ST8SIA5: variants seen among roughly 807,000 people sequenced by gnomAD.
The protein encoded by ST8SIA5 is ST8 alpha-N-acetyl-neuraminide alpha-2,8-sialyltransferase 5.
A neutral mutation model predicts 40.2 loss-of-function variants in ST8SIA5; 24 were observed. The ratio of observed to expected loss-of-function variants is 0.60; its 90% confidence interval spans 0.43 to 0.84. The LOEUF is 0.84. Ranked by LOEUF, ST8SIA5 falls within the 40% of genes least tolerant of loss-of-function variation. ST8SIA5 has a pLI of 0.00. For missense variants in ST8SIA5, 465 were observed against 498.5 expected, an observed-to-expected ratio of 0.93 and a Z score of 0.64; for synonymous variants, 198 against 201.8, an observed-to-expected ratio of 0.98 and a Z score of 0.16.
chr18:46,724,201 G>A (rs1017289809), intron 1 of ST8SIA5, among the ~76,000 whole-genome samples: 2 of 152,238 alleles, frequency 1.3e-5, no homozygotes, highest in Admixed American at 1.3e-4. Flanking sequence ...TCCCTCTTCA[G>A]AAGTCTAGCT....
intron 1 of ST8SIA5, among the ~76,000 whole-genome samples, chr18:46,712,297 C>A (rs1020707216): frequency 7.9e-5 from 12 of 152,174 alleles, no homozygotes; most frequent in African/African-American, 2.9e-4. Context: ...ACCATGCCCA[C>A]AGGCACCCTA....
At chr18:46,682,106 A>G in intron 5 of ST8SIA5, 42 bp from the exon 6 acceptor site, 5 of 1,525,918 alleles carry the variant, frequency 3.3e-6, no homozygotes, top group Non-Finnish European at 4.4e-6. Context: ...TGGTCATTCA[A>G]TAGGTCAGGC....
intron 1 of ST8SIA5, among the ~76,000 whole-genome samples, chr18:46,727,897 G>A (rs1568272487): frequency 1.3e-5 from 2 of 152,046 alleles, no homozygotes; most frequent in South Asian, 2.1e-4. Context: ...GTTTAATGAC[G>A]AAGTCTATAT....
chr18:46,730,959 T>C (rs1053894727), intron 1 of ST8SIA5, among the ~76,000 whole-genome samples: 1 of 152,176 alleles, frequency 6.6e-6, no homozygotes, highest in Non-Finnish European at 1.5e-5. Context: ...ACAGCCTGGA[T>C]GACAGAGCAA....
intron 1 of ST8SIA5, among the ~76,000 whole-genome samples, chr18:46,752,408 A>G (rs1273416440): frequency 6.6e-6 from 1 of 152,160 alleles, no homozygotes; most frequent in Non-Finnish European, 1.5e-5. Context: ...TATTTGTTCA[A>G]TCAATCAAAA....
intron 1 of ST8SIA5, among the ~76,000 whole-genome samples, chr18:46,736,003 C>G (rs1005244729): frequency 6.6e-6 from 1 of 151,770 alleles, no homozygotes; most frequent in South Asian, 2.1e-4. Context: ...GTTACAGCTG[C>G]GTATGAATCT....
intron 1 of ST8SIA5, among the ~76,000 whole-genome samples, chr18:46,725,288 A>T (rs571228111): frequency 6.6e-6 from 1 of 152,306 alleles, no homozygotes; most frequent in East Asian, 1.9e-4. Context: ...GTTCACAAAC[A>T]TATCAAATCA....
At chr18:46,751,550 C>A (rs987064289) in intron 1 of ST8SIA5, among the ~76,000 whole-genome samples, 2 of 151,952 alleles carry the variant, frequency 1.3e-5, no homozygotes, top group African/African-American at 4.8e-5. Flanking sequence ...GTGTGTGCCA[C>A]CACACCTGGC....
At chr18:46,729,685 C>T (rs558142792) in intron 1 of ST8SIA5, among the ~76,000 whole-genome samples, 1 of 152,308 alleles carries the variant, frequency 6.6e-6, no homozygotes, top group South Asian at 2.1e-4. Flanking sequence ...GGGGCTGTCC[C>T]CTGTCCCTAA....
At chr18:46,734,763 C>T (rs2040018144) in intron 1 of ST8SIA5, among the ~76,000 whole-genome samples, 1 of 152,232 alleles carries the variant, frequency 6.6e-6, no homozygotes, top group Non-Finnish European at 1.5e-5. Context: ...GCACTATCCA[C>T]TTGGCACTTA....
At chr18:46,753,629 C>G (rs1287269745) in intron 1 of ST8SIA5, among the ~76,000 whole-genome samples, 3 of 151,990 alleles carry the variant, frequency 2.0e-5, no homozygotes, top group Non-Finnish European at 4.4e-5. Context: ...CTGCATGGAG[C>G]TTTCGGTCTA....
intron 1 of ST8SIA5, among the ~76,000 whole-genome samples, chr18:46,750,738 C>T (rs1459831439): frequency 1.3e-5 from 2 of 152,178 alleles, no homozygotes; most frequent in Admixed American, 6.5e-5. Context: ...TCTCCAGCCT[C>T]GGCTTCCAGA....
rs756325375 is a variant in ST8SIA5, at chr18:46,680,288, G to A, written c.885C>T (p.Arg295=). Residue 295 remains arginine, a synonymous_variant, in exon 7 of 7, where the codon CGC becomes CGT. Transcript: ENST00000315087. ...VSRYWLSLGV[R]AKRISTGLIL... Reference sequence around the variant, plus strand: ...TGAGGCCGGTGCTGATGCGCTTGGCGCGCACCCCCAGGCTGAGCCAGTAGC... The same window carrying A: ...TGAGGCCGGTGCTGATGCGCTTGGCACGCACCCCCAGGCTGAGCCAGTAGC... 38 of 1,614,098 alleles carry A rather than the reference G, an allele frequency of 2.4e-5. No individual in the cohort carries two copies. In the East Asian group the frequency reaches 2.5e-4, roughly 10 times the overall value.
intron 1 of ST8SIA5, among the ~76,000 whole-genome samples, chr18:46,718,545 A>G (rs372932416): frequency 1.1e-4 from 17 of 152,160 alleles, no homozygotes; most frequent in African/African-American, 4.1e-4. Context: ...TATGAGCACT[A>G]TCTGGCTTGA....
chr18:46,749,841 G>A (rs2040179547), intron 1 of ST8SIA5, among the ~76,000 whole-genome samples: 1 of 152,156 alleles, frequency 6.6e-6, no homozygotes, highest in Non-Finnish European at 1.5e-5. Flanking sequence ...GGCTTGGGGG[G>A]ATGATTAGGT....
intron 1 of ST8SIA5, among the ~76,000 whole-genome samples, chr18:46,719,455 G>A (rs1453719750): frequency 6.6e-6 from 1 of 152,170 alleles, no homozygotes; most frequent in Non-Finnish European, 1.5e-5. Flanking sequence ...GAAAGGCAGA[G>A]GAGAACACAG....
intron 1 of ST8SIA5, among the ~76,000 whole-genome samples, chr18:46,725,221 C>T (rs1363412744): frequency 6.6e-6 from 1 of 152,156 alleles, no homozygotes; most frequent in Admixed American, 6.5e-5. Flanking sequence ...CTTTACCAAA[C>T]AGCCTAGAGG....
chr18:46,722,565 C>A (rs985903113), intron 1 of ST8SIA5, among the ~76,000 whole-genome samples: 1 of 152,176 alleles, frequency 6.6e-6, no homozygotes, highest in African/African-American at 2.4e-5. Context: ...AGGGTTGGTG[C>A]CCGCTTAATT....
Position 46,679,643 on chromosome 18 carries a change from TTC to T in ST8SIA5, c.*397_*398del. On this transcript the variant is annotated 3_prime_UTR_variant, in exon 7 of 7. Coordinates refer to ENST00000315087, the MANE Select transcript of ST8SIA5 (RefSeq NM_013305.6). ...TGAAGTGTCCTGTCTCCACTCTCAA[TTC>T]CATTCTCTGTAGGGTCTTCCTTCAG... 4.1e-6 allele frequency: 1 copy of T among 244,402 alleles called. No homozygotes were observed. Among genetic ancestry groups the T allele is most frequent in the Non-Finnish European group, 8.0e-6 (1 of 125,352 alleles). The allele number at this position is 244,402 out of a possible 1,614,324, so 15.1% of individuals were successfully genotyped here.
Sources: gnomAD v4.1 joint callset for allele counts (sites outside exome capture counted in the v4.1 genomes callset) on GRCh38, gnomAD v4.1.1 for gene constraint, MANE v1.5 for transcripts, NCBI Gene and HGNC (gene_info 2026-07-23, HGNC 2026-07-21) for gene names.